SH3RF3: variants seen among roughly 807,000 people sequenced by gnomAD.
SH3RF3 encodes the protein SH3 domain containing ring finger 3, also known as E3 ubiquitin-protein ligase SH3RF3.
SH3RF3 carries 29 observed loss-of-function variants against 66.3 expected under a neutral mutation model. The ratio of observed to expected loss-of-function variants is 0.44; its 90% CI spans 0.33 to 0.60. The LOEUF (loss-of-function observed/expected upper bound fraction) is 0.60. Among genes scored for constraint, SH3RF3 ranks in the 20% least tolerant of loss-of-function variants. The pLI, the probability that SH3RF3 is intolerant of heterozygous loss-of-function variation, is 0.04. For synonymous variants in SH3RF3, 583 were observed against 532.0 expected, an observed-to-expected ratio of 1.10 and a Z score of -1.32; for missense variants, 1,194 against 1,190.9, an observed-to-expected ratio of 1.00 and a Z score of -0.04.
intron 1 of SH3RF3, among the ~76,000 whole-genome samples, chr2:109,282,760 A>G (rs1680928073): frequency 6.6e-6 from 1 of 152,172 alleles, no homozygotes; most frequent in Non-Finnish European, 1.5e-5. Context: ...CGGCCAAAGG[A>G]GAAAGCTGCA....
In SH3RF3 at chr2:109,129,594, G is replaced by A; in HGVS notation, c.54G>A (p.Ala18=). Residue 18 remains alanine, a synonymous_variant, in exon 1 of 10, where the codon GCG becomes GCA. Transcript: ENST00000309415. The stretch of plus-strand genomic sequence containing the variant: ...CATCCAAGGCGGCCGCCGCTGCTGC[G>A]CAGAGCGAGGGCGACGAGGACAGGC... ...LCASKAAAAA[A]QSEGDEDRPG... is the part of the protein sequence containing the mutation. 1 of 1,483,376 alleles carries A rather than the reference G, an allele frequency of 6.7e-7. No homozygotes were observed. Among genetic ancestry groups the A allele is most frequent in the Non-Finnish European group, 8.9e-7 (1 of 1,125,728 alleles). 91.9% of individuals were successfully genotyped at this position (1,483,376 alleles called of 1,614,324 possible).
At chr2:109,430,666 G>A (rs1677183424) in intron 5 of SH3RF3, among the ~76,000 whole-genome samples, 1 of 152,152 alleles carries the variant, frequency 6.6e-6, no homozygotes, top group Admixed American at 6.5e-5. Flanking sequence ...TTCCCTTAGT[G>A]GTATTTCCTC....
At chr2:109,271,255 G>GC (rs1367569213) in intron 1 of SH3RF3, among the ~76,000 whole-genome samples, 1 of 152,180 alleles carries the variant, frequency 6.6e-6, no homozygotes, top group East Asian at 1.9e-4. Context: ...CTCCAGAAAA[G>GC]CCCTGGCCCT....
intron 3 of SH3RF3, among the ~76,000 whole-genome samples, chr2:109,396,954 C>T (rs1395957357): frequency 1.3e-5 from 2 of 152,240 alleles, no homozygotes; most frequent in African/African-American, 4.8e-5. Flanking sequence ...GTACGTCCTT[C>T]CTGACCACTG....
intron 1 of SH3RF3, among the ~76,000 whole-genome samples, chr2:109,331,836 G>A (rs1001395581): frequency 6.6e-6 from 1 of 152,106 alleles, no homozygotes; most frequent in Non-Finnish European, 1.5e-5. Flanking sequence ...TTTGCCAGGG[G>A]CACCCTGTCA....
rs114044338 is a variant in SH3RF3 at position 109,454,725 on chromosome 2, C to T, written c.2148+5236C>T. Among the ~76,000 whole-genome samples the T allele has an allele frequency of 3.2e-3, 493 of 152,206 alleles. 7 individuals are homozygous for T. Among genetic ancestry groups the T allele is most frequent in the African/African-American group, 0.011 (470 of 41,508 alleles). The stretch of plus-strand genomic sequence containing the variant: ...CTTCATGGTGAGCATACAGTAGGGA[C>T]GGTACACTGGGGAGCTTCTGTGTTG... On this transcript the variant is annotated intron_variant, in intron 8 of 9. Coordinates refer to ENST00000309415, the MANE Select transcript of SH3RF3 (RefSeq NM_001099289.3).
intron 2 of SH3RF3, among the ~76,000 whole-genome samples, chr2:109,348,985 G>A (rs926028993): frequency 6.6e-6 from 1 of 151,916 alleles, no homozygotes; most frequent in African/African-American, 2.4e-5. Flanking sequence ...CTCCTCACTC[G>A]TTCTGTCTTG....
intron 4 of SH3RF3, among the ~76,000 whole-genome samples, chr2:109,401,054 C>T (rs1170772931): frequency 6.6e-6 from 1 of 152,192 alleles, no homozygotes; most frequent in Non-Finnish European, 1.5e-5. Flanking sequence ...GTGTGCACAT[C>T]TGGGGGGTAA....
At chr2:109,456,922 G>C (rs1193657714) in intron 8 of SH3RF3, among the ~76,000 whole-genome samples, 1 of 152,220 alleles carries the variant, frequency 6.6e-6, no homozygotes, top group African/African-American at 2.4e-5. Flanking sequence ...CAGGGACGAG[G>C]GAAGGAGCAC....
intron 2 of SH3RF3, among the ~76,000 whole-genome samples, chr2:109,362,004 CTTT>C: frequency 6.6e-6 from 1 of 151,956 alleles, no homozygotes; most frequent in South Asian, 2.1e-4. Context: ...TTTTATTGAT[CTTT>C]TTAAAGATTA....
At chr2:109,463,124 G>A (rs1678250565) in intron 8 of SH3RF3, among the ~76,000 whole-genome samples, 1 of 152,320 alleles carries the variant, frequency 6.6e-6, no homozygotes, top group Admixed American at 6.5e-5. Flanking sequence ...GGAATTGATT[G>A]AAGGGTTGTG....
In SH3RF3 at chr2:109,454,303, G is replaced by A. The variant is rs186389246; in HGVS notation, c.2148+4814G>A. Reference sequence around the variant, plus strand: ...TGTATTCCCCTTCCCTTCAGAAAGCGCCTCAGCTGGGCATGGACCCTTACC... The same window carrying A: ...TGTATTCCCCTTCCCTTCAGAAAGCACCTCAGCTGGGCATGGACCCTTACC... On this transcript the variant is annotated intron_variant, in intron 8 of 9. Transcript: ENST00000309415. 5.1e-3 allele frequency among the ~76,000 whole-genome samples: 776 copies of A among 152,224 alleles called. 3 individuals carry two copies. Among genetic ancestry groups the A allele is most frequent in the Non-Finnish European group, 8.7e-3 (595 of 68,006 alleles).
intron 1 of SH3RF3, among the ~76,000 whole-genome samples, chr2:109,136,496 G>A (rs559662788): frequency 6.6e-6 from 1 of 152,246 alleles, no homozygotes; most frequent in South Asian, 2.1e-4. Flanking sequence ...TTCCCATTGA[G>A]TGAAGTTGGA....
chr2:109,425,534 C>T (rs1002564042), intron 5 of SH3RF3, among the ~76,000 whole-genome samples: 3 of 152,174 alleles, frequency 2.0e-5, no homozygotes, highest in Admixed American at 2.0e-4. Context: ...TAAGTGAAGC[C>T]AGTGTTCATT....
intron 1 of SH3RF3, among the ~76,000 whole-genome samples, chr2:109,330,504 G>C (rs1331548974): frequency 6.6e-6 from 1 of 152,160 alleles, no homozygotes; most frequent in African/African-American, 2.4e-5. Flanking sequence ...GGGGGCAGGG[G>C]GTGTCCCCCC....
At chr2:109,452,931 CGGGAGGCTGGTGCCGGGAGGCTGGTCCCT>C (rs1677927702) in intron 8 of SH3RF3, among the ~76,000 whole-genome samples, 2 of 148,534 alleles carry the variant, frequency 1.3e-5, no homozygotes, top group Non-Finnish European at 3.0e-5. Flanking sequence ...AGGCTGGTCC[CGGGAGGCTGGTGCCGGGAGGCTGGTCCCT>C]GGGAGGCTGG....
intron 1 of SH3RF3, among the ~76,000 whole-genome samples, chr2:109,314,568 G>A (rs1262412273): frequency 1.3e-5 from 2 of 152,138 alleles, no homozygotes; most frequent in East Asian, 3.9e-4. Flanking sequence ...TATTATTCCT[G>A]CCACTTCATA....
chr2:109,327,823 C>T (rs527877652), intron 1 of SH3RF3, among the ~76,000 whole-genome samples: 3 of 152,262 alleles, frequency 2.0e-5, no homozygotes, highest in African/African-American at 4.8e-5. Flanking sequence ...ATACCACTTC[C>T]CAGTGTTCCT....
intron 2 of SH3RF3, among the ~76,000 whole-genome samples, chr2:109,365,051 A>AAAACAAACAAAC (rs70958705): frequency 0.018 from 2,678 of 151,588 alleles, 55 homozygotes; most frequent in East Asian, 0.049. Flanking sequence ...ACACACATAT[A>AAAACAAACAAAC]AAACAAACAA....
Sources: allele counts gnomAD v4.1 joint callset (sites outside exome capture counted in the v4.1 genomes callset), GRCh38; gene constraint gnomAD v4.1.1; transcripts MANE v1.5; gene names NCBI Gene and HGNC (gene_info 2026-07-23, HGNC 2026-07-21).